Variants in PRKG1 observed in about 807,000 individuals in gnomAD.
The protein encoded by PRKG1 is cGMP-dependent protein kinase 1.
Under a neutral mutation model 88.1 loss-of-function variants are expected in PRKG1, and 35 were observed. The ratio of observed to expected loss-of-function variants is 0.40; its 90% CI spans 0.30 to 0.53. The LOEUF (loss-of-function observed/expected upper bound fraction) is 0.53. Ranked by LOEUF, PRKG1 falls within the 20% of genes least tolerant of loss-of-function variation. PRKG1 has a pLI of 0.59. For missense variants in PRKG1, 540 were observed against 839.8 expected (o/e 0.64, Z 4.41); for synonymous variants, 303 against 292.5 (o/e 1.04, Z -0.37).
chr10:51,018,734 A>G (rs977206670), intron 1 of PRKG1, among the ~76,000 whole-genome samples: 5 of 152,162 alleles, frequency 3.3e-5, no homozygotes. Flanking sequence ...TATCCCTTTG[A>G]TCTCTAGATA....
chr10:52,106,085 C>A (rs1351422577), intron 7 of PRKG1, among the ~76,000 whole-genome samples: 1 of 152,104 alleles, frequency 6.6e-6, no homozygotes, highest in Non-Finnish European at 1.5e-5. Flanking sequence ...ATTTTCCATT[C>A]CCGAGTTACT....
At chr10:51,271,200 T>TG (rs1044397891) in intron 2 of PRKG1, among the ~76,000 whole-genome samples, 2 of 151,992 alleles carry the variant, frequency 1.3e-5, no homozygotes, top group East Asian at 1.9e-4. Context: ...ACTAGATGGT[T>TG]GGGGGGGAGT....
intron 9 of PRKG1, chr10:52,185,117 A>G (rs10128399): frequency 0.24 from 36,005 of 152,116 alleles, 6,493 homozygotes; most frequent in African/African-American, 0.51. Flanking sequence ...TGTCAAGTCC[A>G]AAGTCTTAAG....
At chr10:51,402,373 A>G (rs992397348) in intron 2 of PRKG1, among the ~76,000 whole-genome samples, 1 of 152,218 alleles carries the variant, frequency 6.6e-6, no homozygotes, top group African/African-American at 2.4e-5. Context: ...AAGGTCACAC[A>G]TTCAATTCCT....
chr10:51,742,091 T>G (rs571693215), intron 3 of PRKG1, among the ~76,000 whole-genome samples: 1 of 152,320 alleles, frequency 6.6e-6, no homozygotes, highest in East Asian at 1.9e-4. Flanking sequence ...GATAACTGTC[T>G]TCCTTAGGGA....
At chr10:51,358,674 GAT>G (rs1842416389) in intron 2 of PRKG1, among the ~76,000 whole-genome samples, 1 of 151,920 alleles carries the variant, frequency 6.6e-6, no homozygotes, top group Non-Finnish European at 1.5e-5. Context: ...ACCAGAAGAA[GAT>G]AATCACCTGG....
chr10:51,713,407 A>G (rs1161255933), intron 3 of PRKG1, among the ~76,000 whole-genome samples: 2 of 152,208 alleles, frequency 1.3e-5, no homozygotes, highest in Non-Finnish European at 2.9e-5. Context: ...CTAATATATT[A>G]TTTTGCCAAG....
rs141635163 is a variant in PRKG1 at position 51,738,376 on chromosome 10, C to T, written c.593-66209C>T. Among the ~76,000 whole-genome samples the T allele has an allele frequency of 3.1e-3, 477 of 152,194 alleles. 2 individuals are homozygous for T. Among genetic ancestry groups the T allele is most frequent in the African/African-American group, 0.011 (446 of 41,520 alleles). On this transcript the variant is annotated intron_variant, in intron 3 of 17. Transcript: ENST00000373980. Reference sequence around the variant, plus strand: ...GAAATAGAAGAGCAAGTCACATCACCTGAGTTCAAATTCTATTTGTATGGC... The same window carrying T: ...GAAATAGAAGAGCAAGTCACATCACTTGAGTTCAAATTCTATTTGTATGGC...
At chr10:51,691,232 G>A (rs1348023650) in intron 3 of PRKG1, among the ~76,000 whole-genome samples, 7 of 149,448 alleles carry the variant, frequency 4.7e-5, no homozygotes, top group Non-Finnish European at 1.0e-4. Flanking sequence ...TTTGCTTTGG[G>A]TTTTCCTTTT....
chr10:51,405,457 A>G (rs1004741675), intron 2 of PRKG1, among the ~76,000 whole-genome samples: 17 of 152,208 alleles, frequency 1.1e-4, no homozygotes, highest in African/African-American at 4.1e-4. Flanking sequence ...GCTAAAATTC[A>G]TCAATAGAAG....
chr10:51,751,424 C>T (rs1837722259), intron 3 of PRKG1, among the ~76,000 whole-genome samples: 1 of 152,058 alleles, frequency 6.6e-6, no homozygotes, highest in South Asian at 2.1e-4. Flanking sequence ...AGACGGATTT[C>T]ACCATGTTGG....
intron 3 of PRKG1, among the ~76,000 whole-genome samples, chr10:51,671,255 A>G (rs949040524): frequency 1.4e-4 from 22 of 152,214 alleles, no homozygotes; most frequent in African/African-American, 4.3e-4. Context: ...TTACTGTTAG[A>G]TGGCAATATA....
chr10:51,709,337 T>A (rs974196544), intron 3 of PRKG1, among the ~76,000 whole-genome samples: 1 of 152,162 alleles, frequency 6.6e-6, no homozygotes, highest in African/African-American at 2.4e-5. Context: ...TTCTTGACAG[T>A]TTAATGACAA....
intron 9 of PRKG1, among the ~76,000 whole-genome samples, chr10:52,241,093 T>C (rs1019499910): frequency 6.6e-6 from 1 of 152,158 alleles, no homozygotes; most frequent in African/African-American, 2.4e-5. Context: ...TCTGTTATAG[T>C]TCTATTTCAA....
At chr10:52,115,339 C>T (rs529755950) in intron 7 of PRKG1, among the ~76,000 whole-genome samples, 16 of 151,776 alleles carry the variant, frequency 1.1e-4, no homozygotes, top group Non-Finnish European at 1.5e-4. Flanking sequence ...TTTGTGTAGT[C>T]GATATAAAGC....
chr10:51,780,107 C>T (rs373677975), intron 3 of PRKG1, among the ~76,000 whole-genome samples: 2 of 151,954 alleles, frequency 1.3e-5, no homozygotes, highest in African/African-American at 4.8e-5. Context: ...AAAAACTTAC[C>T]GCGTAATCTG....
At chr10:51,277,150 G>A (rs1840145319) in intron 2 of PRKG1, among the ~76,000 whole-genome samples, 1 of 152,168 alleles carries the variant, frequency 6.6e-6, no homozygotes. Flanking sequence ...AAGGTGTAAG[G>A]TAGGGATCCA....
At chr10:52,266,245 G>T (rs969258450) in intron 10 of PRKG1, among the ~76,000 whole-genome samples, 1 of 151,436 alleles carries the variant, frequency 6.6e-6, no homozygotes, top group Non-Finnish European at 1.5e-5. Flanking sequence ...GAGTACATGT[G>T]CAGGATGTGC....
rs551188909 is a variant in PRKG1 at position 51,381,058 on chromosome 10, A to G, written c.479-86665A>G. ...GGTAAATGTGTGTTTTTTCAGAAAG[A>G]CCAGCCTGGCCAACATGGTGAAACC... On this transcript the variant is annotated intron_variant, in intron 2 of 17. Transcript: ENST00000373980. 6.6e-5 allele frequency among the ~76,000 whole-genome samples: 10 copies of G among 151,900 alleles called. No homozygotes were observed. The East Asian group carries it at 1.9e-3, about 30-fold the overall frequency.
Sources: allele counts gnomAD v4.1 joint callset (sites outside exome capture counted in the v4.1 genomes callset), GRCh38; gene constraint gnomAD v4.1.1; transcripts MANE v1.5; gene names NCBI Gene and HGNC (gene_info 2026-07-23, HGNC 2026-07-21).